Variants in GRIP1 observed in about 807,000 individuals in gnomAD.
GRIP1 encodes glutamate receptor interacting protein 1, also known as glutamate receptor-interacting protein 1.
A neutral mutation model predicts 129.9 loss-of-function variants in GRIP1; 45 were observed. The observed-to-expected ratio is 0.35, with a 90% confidence interval of 0.27 to 0.44. The LOEUF is 0.44. Among genes scored for constraint, GRIP1 ranks in the 20% least tolerant of loss-of-function variants. GRIP1 has a pLI of 1.00. For missense variants in GRIP1, 1,196 were observed against 1,396.8 expected (o/e 0.86, Z 2.29); for synonymous variants, 530 against 520.8 (o/e 1.02, Z -0.24).
chr12:66,600,205 T>C lies in GRIP1; in HGVS notation c.56-3278A>G, dbSNP rs555122640. Reference sequence around the variant, plus strand: ...GCTTTTCAGTTCATTTCCTTGAAGATAAAATTCAAAAGCAATGTCAATATA... The same window carrying C: ...GCTTTTCAGTTCATTTCCTTGAAGACAAAATTCAAAAGCAATGTCAATATA... On this transcript the variant is annotated intron_variant, in intron 1 of 24. Coordinates refer to ENST00000359742, the MANE Select transcript of GRIP1 (RefSeq NM_001366722.1). Among the ~76,000 whole-genome samples, 8 of 152,358 alleles carry C rather than the reference T, an allele frequency of 5.3e-5. 1 individual carries two copies. In the South Asian group the frequency reaches 1.7e-3, roughly 32 times the overall value.
chr12:66,763,475 C>T (rs1287231080), intron 1 of GRIP1, among the ~76,000 whole-genome samples: 2 of 152,130 alleles, frequency 1.3e-5, no homozygotes, highest in Non-Finnish European at 2.9e-5. Flanking sequence ...GATAATTCCC[C>T]AGGACTCAGC....
chr12:66,860,263 G>T (rs577783695), intron 1 of GRIP1, among the ~76,000 whole-genome samples: 3 of 152,034 alleles, frequency 2.0e-5, no homozygotes, highest in African/African-American at 7.2e-5. Flanking sequence ...AAGTCATCAC[G>T]TGCTTGCTGT....
At chr12:66,643,772 C>T (rs529862647) in intron 1 of GRIP1, among the ~76,000 whole-genome samples, 1 of 152,222 alleles carries the variant, frequency 6.6e-6, no homozygotes, top group South Asian at 2.1e-4. Context: ...CTATGTTGCC[C>T]AGGCTGGTCT....
intron 1 of GRIP1, among the ~76,000 whole-genome samples, chr12:66,639,636 A>G (rs1465694793): frequency 6.6e-6 from 1 of 152,190 alleles, no homozygotes. Context: ...ATGATAAATA[A>G]TCCAGCATAA....
At chr12:66,554,571 T>C (rs2062254965) in intron 2 of GRIP1, among the ~76,000 whole-genome samples, 1 of 151,668 alleles carries the variant, frequency 6.6e-6, no homozygotes, top group Admixed American at 6.6e-5. Context: ...CACAGGGGAG[T>C]AGAGCACGAA....
intron 1 of GRIP1, among the ~76,000 whole-genome samples, chr12:66,637,262 G>T (rs10784567): frequency 0.2 from 29,894 of 151,850 alleles, 3,042 homozygotes; most frequent in Non-Finnish European, 0.23. Context: ...TAAAAACACA[G>T]GACAACCTTA....
Position 66,956,139 on chromosome 12 carries a change from T to C in GRIP1, c.58+112911A>G, listed in dbSNP as rs544082407. 3.9e-5 allele frequency among the ~76,000 whole-genome samples: 6 copies of C among 152,354 alleles called. No individual in the cohort carries two copies. The South Asian group carries it at 8.3e-4, about 21-fold the overall frequency. ...ACCAAACTCGGCTTTTTTTGGGTTT[T>C]GCCAATTTTCCCACTAATGTCCTTT... On this transcript the variant is annotated intron_variant, in intron 1 of 1. Coordinates refer to the GRIP1 transcript ENST00000643019.
chr12:66,826,104 T>C (rs2039407150), intron 1 of GRIP1, among the ~76,000 whole-genome samples: 1 of 152,138 alleles, frequency 6.6e-6, no homozygotes, highest in Non-Finnish European at 1.5e-5. Context: ...GTGGCACATA[T>C]ACACCATGGA....
At chr12:66,607,026 T>G (rs1424015374) in intron 1 of GRIP1, among the ~76,000 whole-genome samples, 1 of 150,866 alleles carries the variant, frequency 6.6e-6, no homozygotes, top group African/African-American at 2.4e-5. Context: ...AGAGAGAGAG[T>G]GTGTGTGTGT....
intron 1 of GRIP1, among the ~76,000 whole-genome samples, chr12:66,903,731 G>A (rs2040882040): frequency 6.6e-6 from 1 of 152,112 alleles, no homozygotes; most frequent in African/African-American, 2.4e-5. Context: ...TATAGATATT[G>A]TTCTTTCCCA....
At chr12:66,794,216 A>G (rs1372449258) in intron 1 of GRIP1, among the ~76,000 whole-genome samples, 2 of 152,158 alleles carry the variant, frequency 1.3e-5, no homozygotes, top group African/African-American at 4.8e-5. Context: ...GGTTTTCTAA[A>G]CTTCCTAATC....
At chr12:66,436,466 G>T (rs1484387037) in intron 13 of GRIP1, among the ~76,000 whole-genome samples, 2 of 152,054 alleles carry the variant, frequency 1.3e-5, no homozygotes, top group African/African-American at 4.8e-5. Flanking sequence ...ATATTAGTTG[G>T]AGATGGGTGT....
At chr12:66,432,253 C>T (rs962440316) in intron 14 of GRIP1, among the ~76,000 whole-genome samples, 1 of 151,988 alleles carries the variant, frequency 6.6e-6, no homozygotes, top group African/African-American at 2.4e-5. Context: ...TTGCCAAGCA[C>T]TGTACTAGGT....
intron 1 of GRIP1, among the ~76,000 whole-genome samples, chr12:66,828,649 A>C (rs961807827): frequency 6.6e-6 from 1 of 152,172 alleles, no homozygotes; most frequent in Non-Finnish European, 1.5e-5. Context: ...AGAAAGTTTT[A>C]TCTTTCTTTT....
chr12:66,376,437 C>G (rs2055789078), intron 22 of GRIP1, among the ~76,000 whole-genome samples: 1 of 152,102 alleles, frequency 6.6e-6, no homozygotes, highest in Non-Finnish European at 1.5e-5. Flanking sequence ...AGGAAACAGT[C>G]CAGGACTTCC....
chr12:67,013,814 T>C (rs2042744629), intron 1 of GRIP1, among the ~76,000 whole-genome samples: 1 of 152,200 alleles, frequency 6.6e-6, no homozygotes, highest in South Asian at 2.1e-4. Context: ...TCAACCATGG[T>C]AATAGCAGAG....
chr12:66,968,986 A>G (rs1289140317), intron 1 of GRIP1, among the ~76,000 whole-genome samples: 1 of 152,052 alleles, frequency 6.6e-6, no homozygotes, highest in Non-Finnish European at 1.5e-5. Flanking sequence ...GATAATTTTT[A>G]TGGATTTAGA....
intron 1 of GRIP1, among the ~76,000 whole-genome samples, chr12:66,802,777 C>T (rs2038895556): frequency 1.3e-5 from 2 of 152,074 alleles, no homozygotes; most frequent in Non-Finnish European, 2.9e-5. Context: ...TGCAATCTGA[C>T]AATATTTTTT....
chr12:66,986,140 T>A (rs1413078528), intron 1 of GRIP1, among the ~76,000 whole-genome samples: 1 of 152,142 alleles, frequency 6.6e-6, no homozygotes, highest in Non-Finnish European at 1.5e-5. Flanking sequence ...GATACACTTG[T>A]GTGGCAAAAT....
Sources: allele counts gnomAD v4.1 joint callset (sites outside exome capture counted in the v4.1 genomes callset), GRCh38; gene constraint gnomAD v4.1.1; transcripts MANE v1.5; gene names NCBI Gene and HGNC (gene_info 2026-07-23, HGNC 2026-07-21).